CNOT6L: variants seen among roughly 807,000 people sequenced by gnomAD.
The protein encoded by CNOT6L is CCR4-NOT transcription complex subunit 6 like, also known as CCR4-NOT transcription complex subunit 6-like.
CNOT6L carries 7 observed loss-of-function variants against 64.0 expected under a neutral mutation model. The observed-to-expected ratio is 0.11, with a 90% CI of 0.06 to 0.21. The LOEUF is 0.21. Ranked by LOEUF, CNOT6L falls within the 10% of genes least tolerant of loss-of-function variation. The probability of loss-of-function intolerance (pLI) is 1.00; values close to 1 mark genes in which losing one functional copy is unlikely to be tolerated. For synonymous variants in CNOT6L, 193 were observed against 243.4 expected, an observed-to-expected ratio of 0.79 and a Z score of 1.93; for missense variants, 245 against 669.0, an observed-to-expected ratio of 0.37 and a Z score of 6.99.
At chr4:77,768,734 G>A (rs1339153142) in intron 4 of CNOT6L, among the ~76,000 whole-genome samples, 2 of 151,880 alleles carry the variant, frequency 1.3e-5, no homozygotes, top group Non-Finnish European at 2.9e-5. Context: ...TTAGGAAAAT[G>A]TAAATTAAGA....
In CNOT6L at chr4:77,776,209, A is replaced by G. The variant is rs189506228; in HGVS notation, c.127+62T>C. 5 of 1,526,860 alleles carry G rather than the reference A, an allele frequency of 3.3e-6. No homozygotes were observed. In the Admixed American group the frequency reaches 7.6e-5, roughly 23 times the overall value. The allele number at this position is 1,526,860 out of a possible 1,614,324, so 94.6% of individuals were successfully genotyped here. A position where few individuals can be genotyped will look rare whatever the true frequency, so the allele number is the denominator to read the frequency against. Reference sequence around the variant, plus strand: ...AAAAATGTACAACAAAAAATATAGCAATACTCAACTTTTGTATTATCACTA... The same window carrying G: ...AAAAATGTACAACAAAAAATATAGCGATACTCAACTTTTGTATTATCACTA... On this transcript the variant is annotated intron_variant, in intron 2 of 11. Transcript: ENST00000504123.
intron 1 of CNOT6L, among the ~76,000 whole-genome samples, chr4:77,808,462 CAAAAAAAAAA>C (rs1191618329): frequency 1.7e-5 from 1 of 59,734 alleles, no homozygotes; most frequent in South Asian, 5.5e-4. Flanking sequence ...TCTGCCATCT[CAAAAAAAAAA>C]AAAAAAAAAG....
At chr4:77,783,171 C>A (rs199511547) in intron 1 of CNOT6L, among the ~76,000 whole-genome samples, 1,634 of 63,304 alleles carry the variant, frequency 0.026, 18 homozygotes, top group Middle Eastern at 0.11. Context: ...AAAAAAAAAA[C>A]ACATGTTTTA....
Position 77,774,603 on chromosome 4 carries a change from G to A in CNOT6L, c.241C>T (p.Leu81=). ...IPPDIAKLHN[L]VYLDLSSNKL... is the part of the protein sequence containing the mutation. ...TTGGATGACAGATCCAGGTAAACCA[G>A]ATTATGAAGCTTGGCAATATCAGGT... The change falls in exon 3 of 12, where the codon CTG becomes TTG. Residue 81 remains leucine (L), a synonymous_variant. Transcript: ENST00000504123. 6.2e-7 allele frequency: 1 copy of A among 1,613,780 alleles called. No homozygotes were observed. Among genetic ancestry groups the A allele is most frequent in the Non-Finnish European group, 8.5e-7 (1 of 1,179,744 alleles).
chr4:77,768,963 T>C (rs1156485487), intron 4 of CNOT6L, among the ~76,000 whole-genome samples: 2 of 152,182 alleles, frequency 1.3e-5, no homozygotes, highest in African/African-American at 4.8e-5. Context: ...AGGAGACATG[T>C]ATGAGTCTGT....
intron 5 of CNOT6L, among the ~76,000 whole-genome samples, chr4:77,755,989 T>C (rs899426283): frequency 6.6e-6 from 1 of 151,556 alleles, no homozygotes; most frequent in African/African-American, 2.4e-5. Flanking sequence ...TTGTTTTTAA[T>C]ATATATTTTT....
At chr4:77,757,873 T>C (rs979680528) in intron 4 of CNOT6L, among the ~76,000 whole-genome samples, 1 of 152,182 alleles carries the variant, frequency 6.6e-6, no homozygotes, top group African/African-American at 2.4e-5. Flanking sequence ...CTAATTTTTG[T>C]ATTTTTAGTA....
rs1373471708 is a variant in CNOT6L at position 77,715,013 on chromosome 4, C to CAAT, written c.*5415_*5417dup. The CAAT allele has an allele frequency of 6.6e-6, 1 of 152,280 alleles. No individual in the cohort carries two copies. Among genetic ancestry groups the CAAT allele is most frequent in the African/African-American group, 2.4e-5 (1 of 41,416 alleles). The allele number at this position is 152,280 out of a possible 1,614,324, so 9.4% of individuals were successfully genotyped here. A position where few individuals can be genotyped will look rare whatever the true frequency, so the allele number is the denominator to read the frequency against. On this transcript the variant is annotated 3_prime_UTR_variant, in exon 12 of 12. Transcript: ENST00000504123. ...ATATAACAATTGATAGCTTGAAAGA[C>CAAT]AATACATCAGTGATTTGAAGTTAAT...
At chr4:77,801,233 T>A (rs750604758) in intron 1 of CNOT6L, among the ~76,000 whole-genome samples, 1 of 152,198 alleles carries the variant, frequency 6.6e-6, no homozygotes, top group Non-Finnish European at 1.5e-5. Flanking sequence ...AAGAGTATTG[T>A]TCATTTCCCA....
rs1181448112 is a variant in CNOT6L, at chr4:77,714,677, T to A, written c.*5754A>T. Reference sequence around the variant, plus strand: ...TGGTGTTTAAGAAATTTGTCACTCATAACCCTGAACAATTCCAGATCCAGT... The same window carrying A: ...TGGTGTTTAAGAAATTTGTCACTCAAAACCCTGAACAATTCCAGATCCAGT... On this transcript the variant is annotated 3_prime_UTR_variant, in exon 12 of 12. Transcript: ENST00000504123. 2 of 152,588 alleles carry A rather than the reference T, an allele frequency of 1.3e-5. No homozygotes were observed. The highest frequency in any genetic ancestry group is 1.9e-4 in the East Asian group (1 of 5,200). The allele number at this position is 152,588 out of a possible 1,614,324, so 9.5% of individuals were successfully genotyped here.
At chr4:77,763,111 C>T (rs184414104) in intron 4 of CNOT6L, among the ~76,000 whole-genome samples, 5 of 151,788 alleles carry the variant, frequency 3.3e-5, no homozygotes, top group Admixed American at 1.3e-4. Context: ...TTTAGAAAAG[C>T]GAGGAAGCAG....
rs1721832615 is a variant in CNOT6L at position 77,726,180 on chromosome 4, G to T, written c.1442C>A (p.Thr481Asn). ...ENNLMPYTNY[T>N]FDFKGVIDYI... ...GCTGCCACTCACTTTGAAATCAAAG[G>T]TGTAATTGGTGTAAGGCATCAAGTT... The change falls in exon 11 of 12, where the codon ACC becomes AAC. Residue 481 changes from threonine to asparagine, a missense_variant. This residue lies in a region of CNOT6L where 8 missense variants were observed against 47.1 expected (regional missense o/e 0.17). Transcript: ENST00000504123. The T allele has an allele frequency of 6.2e-7, 1 of 1,613,534 alleles. No homozygotes were observed. The highest frequency in any genetic ancestry group is 8.5e-7 in the Non-Finnish European group (1 of 1,179,676).
chr4:77,766,137 TAAC>T (rs1726788819), intron 4 of CNOT6L, among the ~76,000 whole-genome samples: 1 of 152,186 alleles, frequency 6.6e-6, no homozygotes, highest in East Asian at 1.9e-4. Context: ...CCAAAGTATG[TAAC>T]AACATGACTA....
chr4:77,811,208 A>G (rs1732891244), intron 1 of CNOT6L, among the ~76,000 whole-genome samples: 1 of 152,204 alleles, frequency 6.6e-6, no homozygotes, highest in Non-Finnish European at 1.5e-5. Context: ...TCAGTAAAAG[A>G]TTAAGTGCTC....
chr4:77,782,929 A>G (rs1248221852), intron 1 of CNOT6L, among the ~76,000 whole-genome samples: 1 of 152,184 alleles, frequency 6.6e-6, no homozygotes, highest in East Asian at 1.9e-4. Flanking sequence ...TGACAAAATT[A>G]AAGATTGATG....
At chr4:77,755,223 GTTTTTTTTTTTTTTTTTTTTTTTTT>G (rs869054667) in intron 5 of CNOT6L, among the ~76,000 whole-genome samples, 1 of 70,392 alleles carries the variant, frequency 1.4e-5, no homozygotes, top group African/African-American at 6.1e-5. Context: ...AGAGACAAGA[GTTTTTTTTTTTTTTTTTTTTTTTTT>G]TTTTTTTTTT....
At position 77,743,586 on chromosome 4, in the gene CNOT6L, C is replaced by CTT. The variant is rs142888128; in HGVS notation, c.717+1130_717+1131dup. Among the ~76,000 whole-genome samples, 700 of 70,868 alleles carry CTT rather than the reference C, an allele frequency of 9.9e-3. 79 individuals are homozygous for CTT. The highest frequency in any genetic ancestry group is 0.022 in the African/African-American group (316 of 14,632). 46.5% of individuals were successfully genotyped at this position (70,868 alleles called of 152,430 possible). A position where few individuals can be genotyped will look rare whatever the true frequency, so the allele number is the denominator to read the frequency against. On this transcript the variant is annotated intron_variant, in intron 7 of 11. Coordinates refer to ENST00000504123, the MANE Select transcript of CNOT6L (RefSeq NM_144571.3). ...GAATGTGTGAAATTGTAACACACAACTTTTTTTTTTTTTTTTTTTTTTTTT... is the reference window on the plus strand; with the variant it reads ...GAATGTGTGAAATTGTAACACACAACTTTTTTTTTTTTTTTTTTTTTTTTTTT...
rs562641581 is a variant in CNOT6L at position 77,728,611 on chromosome 4, A to T, written c.1252+243T>A. On this transcript the variant is annotated intron_variant, in intron 10 of 11. Coordinates refer to ENST00000504123, the MANE Select transcript of CNOT6L (RefSeq NM_144571.3). ...TTTTAGGTAGAGGAGTGGTAAAGAG[A>T]TCTATTACTAAATCCCCTAGTGGCA... is the stretch of plus-strand genomic sequence containing the variant. Among the ~76,000 whole-genome samples, 11 of 152,228 alleles carry T rather than the reference A, an allele frequency of 7.2e-5. No homozygotes were observed. The South Asian group carries it at 2.3e-3, about 32-fold the overall frequency.
At chr4:77,817,004 A>G (rs1339498016) in intron 1 of CNOT6L, among the ~76,000 whole-genome samples, 1 of 152,182 alleles carries the variant, frequency 6.6e-6, no homozygotes, top group African/African-American at 2.4e-5. Context: ...AAATATTCTA[A>G]GAAGTTTTAT....
Sources: allele counts gnomAD v4.1 joint callset (sites outside exome capture counted in the v4.1 genomes callset), GRCh38; gene constraint gnomAD v4.1.1; regional missense constraint gnomAD v4.1.1; transcripts MANE v1.5; gene names NCBI Gene and HGNC (gene_info 2026-07-23, HGNC 2026-07-21).